Variants in FMN2 observed in about 807,000 individuals in gnomAD.
FMN2 encodes formin 2.
In FMN2, 51 loss-of-function variants were observed where a neutral mutation model predicts 142.3. The ratio of observed to expected loss-of-function variants is 0.36; its 90% CI spans 0.29 to 0.45. The LOEUF is 0.45. Ranked by LOEUF, FMN2 falls within the 20% of genes least tolerant of loss-of-function variation. The probability of loss-of-function intolerance (pLI) is 1.00; values close to 1 mark genes in which losing one functional copy is unlikely to be tolerated. For synonymous variants in FMN2, 882 were observed against 869.8 expected, an observed-to-expected ratio of 1.01 and a Z score of -0.25; for missense variants, 1,936 against 2,122.8, an observed-to-expected ratio of 0.91 and a Z score of 1.73.
At chr1:240,183,594 A>G (rs1447284849) in intron 3 of FMN2, among the ~76,000 whole-genome samples, 1 of 151,622 alleles carries the variant, frequency 6.6e-6, no homozygotes, top group Admixed American at 6.6e-5. Context: ...TAGTTTTCAT[A>G]AAATTGGCCT....
At chr1:240,145,103 A>G (rs997186782) in intron 2 of FMN2, 15 of 1,473,428 alleles carry the variant, frequency 1.0e-5, no homozygotes, top group Non-Finnish European at 1.4e-5. Context: ...CTTGGTCACC[A>G]AAGTCATGGA....
At chr1:240,248,855 C>T (rs183993153) in intron 6 of FMN2, among the ~76,000 whole-genome samples, 5 of 151,842 alleles carry the variant, frequency 3.3e-5, no homozygotes, top group East Asian at 3.9e-4. Context: ...GTTGGCCATT[C>T]GTATGTTGTC....
intron 7 of FMN2, among the ~76,000 whole-genome samples, chr1:240,273,244 A>G (rs758117904): frequency 1.3e-5 from 2 of 152,228 alleles, no homozygotes; most frequent in African/African-American, 4.8e-5. Flanking sequence ...AAGATAGACA[A>G]TAGCTGATCA....
chr1:240,098,901 T>C (rs925749101), intron 1 of FMN2, among the ~76,000 whole-genome samples: 14 of 152,218 alleles, frequency 9.2e-5, no homozygotes, highest in African/African-American at 3.4e-4. Flanking sequence ...TTTAGTGCTT[T>C]TCCTTCTGAT....
At chr1:240,429,884 GT>G (rs575967964) in intron 15 of FMN2, among the ~76,000 whole-genome samples, 9 of 133,158 alleles carry the variant, frequency 6.8e-5, no homozygotes, top group African/African-American at 1.0e-4. Flanking sequence ...GTTTTTTTTT[GT>G]TTTTTTTTTG....
chr1:240,371,014 C>A (rs1672847934), intron 14 of FMN2, among the ~76,000 whole-genome samples: 1 of 152,226 alleles, frequency 6.6e-6, no homozygotes. Context: ...TCTCAACTCA[C>A]TGCAACCTCC....
chr1:240,095,667 C>G (rs1661172030), intron 1 of FMN2, among the ~76,000 whole-genome samples: 1 of 151,796 alleles, frequency 6.6e-6, no homozygotes, highest in African/African-American at 2.4e-5. Flanking sequence ...GGGAAGAGGA[C>G]TTGAGAGAGG....
chr1:240,106,692 C>CT (rs370394464), intron 1 of FMN2, among the ~76,000 whole-genome samples: 35 of 149,302 alleles, frequency 2.3e-4, no homozygotes, highest in Middle Eastern at 3.4e-3. Context: ...ATTTTTTTTT[C>CT]TTTTTTTTTG....
intron 14 of FMN2, among the ~76,000 whole-genome samples, chr1:240,368,463 CTCA>C (rs1558456698): frequency 6.6e-6 from 1 of 151,954 alleles, no homozygotes. Context: ...TTCTAAAGAC[CTCA>C]TTTTTGTTTG....
At chr1:240,359,935 A>C in intron 14 of FMN2, among the ~76,000 whole-genome samples, 1 of 152,204 alleles carries the variant, frequency 6.6e-6, no homozygotes, top group East Asian at 1.9e-4. Context: ...AGAACAATGC[A>C]CAGTATAGCA....
chr1:240,335,283 T>C (rs942096381), intron 13 of FMN2, among the ~76,000 whole-genome samples: 9 of 152,204 alleles, frequency 5.9e-5, no homozygotes, highest in African/African-American at 1.9e-4. Flanking sequence ...ATGTACCCTG[T>C]TGGAGCCTTA....
chr1:240,283,990 T>G lies in FMN2; in HGVS notation c.4154-10832T>G, dbSNP rs528527882. ...TTCTTGTTGCTTTCCTCTTTCCTCC[T>G]TCGTCTGGCCTGGAATGTGAAAGTG... On this transcript the variant is annotated intron_variant, in intron 7 of 17. Coordinates refer to ENST00000319653, the MANE Select transcript of FMN2 (RefSeq NM_020066.5). Among the ~76,000 whole-genome samples, 7 of 152,230 alleles carry G rather than the reference T, an allele frequency of 4.6e-5. No homozygotes were observed. In the East Asian group the frequency reaches 1.4e-3, roughly 29 times the overall value.
chr1:240,341,431 G>C (rs150830674), intron 13 of FMN2: 1 of 151,638 alleles, frequency 6.6e-6, no homozygotes, highest in East Asian at 1.9e-4. Context: ...TGAACTGCTC[G>C]TTCTATTCTT....
intron 15 of FMN2, among the ~76,000 whole-genome samples, chr1:240,436,710 A>T (rs73130211): frequency 0.1 from 15,937 of 151,796 alleles, 1,998 homozygotes; most frequent in African/African-American, 0.31. Context: ...TTAATGCTCA[A>T]ACTGTTTTTC....
intron 14 of FMN2, among the ~76,000 whole-genome samples, chr1:240,360,090 G>A (rs759083531): frequency 1.3e-5 from 2 of 152,122 alleles, no homozygotes; most frequent in African/African-American, 2.4e-5. Context: ...CTAGTATCAC[G>A]TTAAATTCAT....
At chr1:240,284,096 T>C (rs1669503874) in intron 7 of FMN2, among the ~76,000 whole-genome samples, 2 of 152,120 alleles carry the variant, frequency 1.3e-5, no homozygotes, top group Non-Finnish European at 2.9e-5. Context: ...TTTTGGGCCC[T>C]AACATATTTT....
intron 7 of FMN2, among the ~76,000 whole-genome samples, chr1:240,284,074 A>T (rs933564090): frequency 4.6e-5 from 7 of 152,154 alleles, no homozygotes; most frequent in African/African-American, 1.4e-4. Flanking sequence ...GCATGTGAAG[A>T]CCACTTAAAA....
chr1:240,135,486 T>C (rs1662898233), intron 2 of FMN2, among the ~76,000 whole-genome samples: 1 of 152,170 alleles, frequency 6.6e-6, no homozygotes, highest in Admixed American at 6.5e-5. Flanking sequence ...GCTATGCACT[T>C]GTTATATGGT....
At chr1:240,186,402 AC>A (rs1190971893) in intron 3 of FMN2, among the ~76,000 whole-genome samples, 2 of 152,242 alleles carry the variant, frequency 1.3e-5, no homozygotes, top group Non-Finnish European at 2.9e-5. Context: ...GGAAAAACTG[AC>A]AAAAATTCTT....
Sources: gnomAD v4.1 joint callset for allele counts (sites outside exome capture counted in the v4.1 genomes callset) on GRCh38, gnomAD v4.1.1 for gene constraint, MANE v1.5 for transcripts, NCBI Gene and HGNC (gene_info 2026-07-23, HGNC 2026-07-21) for gene names.